BTBD3: variants seen among roughly 807,000 people sequenced by gnomAD.
The protein encoded by BTBD3 is BTB/POZ domain-containing protein 3.
In BTBD3, 14 loss-of-function variants were observed where a neutral mutation model predicts 41.6. The ratio of observed to expected loss-of-function variants is 0.34; its 90% CI spans 0.22 to 0.53. BTBD3 has a LOEUF of 0.53. Ranked by LOEUF, BTBD3 falls within the 20% of genes least tolerant of loss-of-function variation. The pLI is 0.95. For missense variants in BTBD3, 426 were observed against 654.7 expected, an observed-to-expected ratio of 0.65 and a Z score of 3.81; for synonymous variants, 249 against 233.7, an observed-to-expected ratio of 1.07 and a Z score of -0.60.
At chr20:11,904,283 C>T (rs1363112414) in intron 1 of BTBD3, among the ~76,000 whole-genome samples, 1 of 152,118 alleles carries the variant, frequency 6.6e-6, no homozygotes, top group Non-Finnish European at 1.5e-5. Flanking sequence ...TACATCTTCA[C>T]GCGCTGGCAG....
At chr20:11,917,313 G>A (rs1226050895), upstream of BTBD3, among the ~76,000 whole-genome samples, 1 of 152,118 alleles carries the variant, frequency 6.6e-6, no homozygotes, top group Non-Finnish European at 1.5e-5. Context: ...TTTGTGACCT[G>A]AGACACCTGT....
intron 1 of BTBD3, among the ~76,000 whole-genome samples, chr20:11,906,254 C>CTTTTT (rs3071747): frequency 0.019 from 692 of 36,166 alleles, 154 homozygotes; most frequent in Non-Finnish European, 0.026. Flanking sequence ...ATTATTACTC[C>CTTTTT]TTTTTTTTTT....
intron 3 of BTBD3, chr20:11,921,566 A>G (rs1306722042): frequency 6.6e-6 from 1 of 152,238 alleles, no homozygotes; most frequent in African/African-American, 2.4e-5. Flanking sequence ...GCTCACAGTC[A>G]GAGCATCACT....
chr20:11,915,563 A>T (rs944485446), upstream of BTBD3, among the ~76,000 whole-genome samples: 1 of 152,072 alleles, frequency 6.6e-6, no homozygotes, highest in African/African-American at 2.4e-5. Flanking sequence ...TGGGTGACTA[A>T]TAGGCTCCCT....
Position 11,922,850 on chromosome 20 carries a change from G to A in BTBD3, c.753G>A (p.Gln251=), listed in dbSNP as rs762952086. 1 of 1,614,204 alleles carries A rather than the reference G, an allele frequency of 6.2e-7. No homozygotes were observed. Residue 251 remains glutamine (Q), a synonymous_variant, in exon 4 of 4, where the codon CAG becomes CAA. Coordinates refer to ENST00000378226, the MANE Select transcript of BTBD3 (RefSeq NM_014962.4). The stretch of plus-strand genomic sequence containing the variant: ...GTTGCTGGGAGGTGATTGATGCCCA[G>A]GCTGAGTTAGCTCTCAAGTCTGAGG... The part of the protein sequence containing the change: ...TQRCWEVIDA[Q]AELALKSEGF...
At chr20:11,911,166 T>TA (rs1156996862) in intron 1 of BTBD3, among the ~76,000 whole-genome samples, 2 of 152,008 alleles carry the variant, frequency 1.3e-5, no homozygotes, top group African/African-American at 4.8e-5. Flanking sequence ...GCCTAATAGT[T>TA]ACACTCATGA....
upstream of BTBD3, chr20:11,917,853 A>G: frequency 4.3e-6 from 4 of 932,832 alleles, no homozygotes; most frequent in Non-Finnish European, 5.1e-6. Context: ...GTCTGACTCC[A>G]TCTGCAGGGC....
chr20:11,904,977 C>G (rs958684136), intron 1 of BTBD3, among the ~76,000 whole-genome samples: 2 of 152,186 alleles, frequency 1.3e-5, no homozygotes, highest in Non-Finnish European at 2.9e-5. Context: ...GGTTGGTTCA[C>G]TGAGTTATGC....
intron 1 of BTBD3, chr20:11,910,068 G>T (rs1332886126): frequency 1.3e-5 from 2 of 152,096 alleles, no homozygotes; most frequent in Non-Finnish European, 2.9e-5. Context: ...GGTGATTTGG[G>T]AGTTGTCTGG....
intron 1 of BTBD3, chr20:11,891,177 AG>A (rs748239370): frequency 0.027 from 3,870 of 143,792 alleles, 142 homozygotes; most frequent in African/African-American, 0.09. Flanking sequence ...TGGCTTTCCG[AG>A]GGGGGGGGGG....
intron 1 of BTBD3, chr20:11,892,634 C>T (rs34983717): frequency 0.29 from 43,409 of 152,138 alleles, 7,325 homozygotes; most frequent in Non-Finnish European, 0.37. Flanking sequence ...TTACTAGCAG[C>T]CATGTTCTTT....
At chr20:11,894,578 T>C (rs561225604) in intron 1 of BTBD3, among the ~76,000 whole-genome samples, 1 of 152,180 alleles carries the variant, frequency 6.6e-6, no homozygotes, top group Non-Finnish European at 1.5e-5. Context: ...AAAGTGGTGA[T>C]TTAAAAAAAT....
rs1350086540 is a variant in BTBD3 at position 11,919,775 on chromosome 20, G to A, written c.475G>A (p.Glu159Lys). 1 of 1,614,178 alleles carries A rather than the reference G, an allele frequency of 6.2e-7. No individual in the cohort carries two copies. Among genetic ancestry groups the A allele is most frequent in the East Asian group, 2.2e-5 (1 of 44,872 alleles). The change falls in exon 3 of 4, where the codon GAG (glutamate) becomes AAG (lysine). Residue 159 changes from glutamate (E) to lysine (K), a missense_variant. Physicochemically the swap from Glu to Lys is moderately conservative, Grantham distance 56. Around this residue, in one of 3 missense-constraint regions of BTBD3, gnomAD observed 321 missense variants for 534.8 expected, o/e 0.60. Coordinates refer to ENST00000378226, the MANE Select transcript of BTBD3 (RefSeq NM_014962.4). ...FHAMFYGELA[E>K]DKDEIRIPDV... ...TGCGATGTTTTACGGAGAACTTGCA[G>A]AGGACAAAGATGAAATCCGTATACC... is the stretch of plus-strand genomic sequence containing the variant.
chr20:11,895,419 C>G lies in BTBD3; in HGVS notation c.-126+4465C>G, dbSNP rs114761128. On this transcript the variant is annotated intron_variant, in intron 1 of 4. Coordinates refer to the BTBD3 transcript ENST00000254977. ...TCATCTGCCTCTTCTTCCCCCCATC[C>G]CTTACTCTCCCTCCCCAGTGGCAGC... Among the ~76,000 whole-genome samples, 741 of 152,258 alleles carry G rather than the reference C, an allele frequency of 4.9e-3. 8 individuals carry two copies. The highest frequency in any genetic ancestry group is 0.017 in the African/African-American group (691 of 41,552).
At chr20:11,918,720 A>C in intron 1 of BTBD3, 119 bp downstream of exon 1, 1 of 1,135,102 alleles carries the variant, frequency 8.8e-7, no homozygotes, top group Non-Finnish European at 1.2e-6. Context: ...GAAGCTTTTT[A>C]TTGGTAATGG....
At chr20:11,901,582 A>C (rs1318048148) in intron 1 of BTBD3, among the ~76,000 whole-genome samples, 1 of 152,166 alleles carries the variant, frequency 6.6e-6, no homozygotes, top group African/African-American at 2.4e-5. Flanking sequence ...ATACCATTCA[A>C]TAAGTATTTC....
intron 3 of BTBD3, chr20:11,921,644 G>A (rs879280634): frequency 9.9e-5 from 15 of 152,178 alleles, no homozygotes; most frequent in Non-Finnish European, 1.8e-4. Flanking sequence ...AGAAGAGAAA[G>A]GTTCCTGTGA....
intron 3 of BTBD3, among the ~76,000 whole-genome samples, chr20:11,920,834 C>T (rs963907464): frequency 1.3e-5 from 2 of 152,096 alleles, no homozygotes; most frequent in African/African-American, 2.4e-5. Context: ...TAAAATGTTG[C>T]CATACATTGT....
In BTBD3 at chr20:11,922,533, AGAT is replaced by A. The variant is rs2056979517; in HGVS notation, c.537-96_537-94del. ...ATATGTTTGTATTAACTGTCACATA[AGAT>A]GATGTTCTCAGAACAAACTTGAAAG... On this transcript the variant is annotated intron_variant, in intron 3 of 3. Transcript: ENST00000378226. The A allele has an allele frequency of 5.2e-6, 5 of 969,350 alleles. No individual in the cohort carries two copies. The South Asian group carries it at 8.1e-5, about 16-fold the overall frequency. 60.0% of individuals were successfully genotyped at this position (969,350 alleles called of 1,614,324 possible).
Sources: gnomAD v4.1 joint callset for allele counts (sites outside exome capture counted in the v4.1 genomes callset) on GRCh38, gnomAD v4.1.1 for gene constraint, gnomAD v4.1.1 regional missense constraint, MANE v1.5 for transcripts, NCBI Gene and HGNC (gene_info 2026-07-23, HGNC 2026-07-21) for gene names.